The following HECW1 variants were observed in gnomAD, a reference collection of about 807,000 sequenced individuals.
The protein encoded by HECW1 is HECT, C2 and WW domain containing E3 ubiquitin protein ligase 1.
Under a neutral mutation model 182.3 loss-of-function variants are expected in HECW1, and 61 were observed. The ratio of observed to expected loss-of-function variants is 0.33; its 90% CI spans 0.27 to 0.41. HECW1 has a LOEUF of 0.41. HECW1 is among the 10% of genes least tolerant of loss of function. The pLI is 1.00. For synonymous variants in HECW1, 859 were observed against 832.6 expected (o/e 1.03, Z -0.55); for missense variants, 1,739 against 2,108.9 (o/e 0.82, Z 3.44).
In HECW1 at chr7:43,564,701, A is replaced by G. The variant is rs763690929; in HGVS notation, c.*2775A>G. On this transcript the variant is annotated 3_prime_UTR_variant, in exon 30 of 30. Coordinates refer to ENST00000395891, the MANE Select transcript of HECW1 (RefSeq NM_015052.5). ...CAAAGAGAAGAGGAACACAGAAACA[A>G]GTTATGGAAATTCATGTTTACCTTA... The G allele has an allele frequency of 1.2e-4, 22 of 180,560 alleles. No individual in the cohort carries two copies. The highest frequency in any genetic ancestry group is 4.4e-4 in the Admixed American group (7 of 15,914). The allele number at this position is 180,560 out of a possible 1,614,324, so 11.2% of individuals were successfully genotyped here.
At chr7:43,152,682 T>C (rs1408503917) in intron 2 of HECW1, among the ~76,000 whole-genome samples, 2 of 152,198 alleles carry the variant, frequency 1.3e-5, no homozygotes, top group Non-Finnish European at 2.9e-5. Context: ...GTTAGAAGCT[T>C]TCTTCAACTA....
At chr7:43,173,254 C>T (rs1791868156) in intron 2 of HECW1, among the ~76,000 whole-genome samples, 1 of 109,438 alleles carries the variant, frequency 9.1e-6, no homozygotes, top group South Asian at 3.8e-4. Context: ...TAAAGGGCCA[C>T]TTTGCATGGC....
At chr7:43,317,663 T>G (rs1284857349) in intron 4 of HECW1, among the ~76,000 whole-genome samples, 1 of 152,252 alleles carries the variant, frequency 6.6e-6, no homozygotes, top group Non-Finnish European at 1.5e-5. Context: ...GCAAGAATAC[T>G]GACTACTCTA....
intron 2 of HECW1, among the ~76,000 whole-genome samples, chr7:43,228,204 G>A (rs930670210): frequency 1.3e-5 from 2 of 152,122 alleles, no homozygotes; most frequent in African/African-American, 4.8e-5. Flanking sequence ...AAATCTTGTA[G>A]GCCAGGCACA....
At chr7:43,146,291 C>G (rs192081823) in intron 2 of HECW1, among the ~76,000 whole-genome samples, 1 of 152,216 alleles carries the variant, frequency 6.6e-6, no homozygotes, top group African/African-American at 2.4e-5. Context: ...TTGGCAGCAT[C>G]TCTGGCTTCT....
intron 5 of HECW1, among the ~76,000 whole-genome samples, chr7:43,338,278 G>A (rs1419395889): frequency 5.3e-5 from 8 of 152,070 alleles, no homozygotes; most frequent in Non-Finnish European, 1.5e-5. Context: ...CCAGGATAGG[G>A]GACTGCAGCG....
intron 3 of HECW1, among the ~76,000 whole-genome samples, chr7:43,271,041 A>G (rs961030468): frequency 1.3e-5 from 2 of 152,210 alleles, no homozygotes; most frequent in Non-Finnish European, 2.9e-5. Flanking sequence ...ACAAATTAAT[A>G]TACAGGTTTA....
intron 8 of HECW1, among the ~76,000 whole-genome samples, chr7:43,417,081 A>C (rs559953242): frequency 6.6e-6 from 1 of 151,800 alleles, no homozygotes; most frequent in South Asian, 2.1e-4. Context: ...GCGGAGTTTC[A>C]CTCTGGTCGC....
chr7:43,307,975 A>G (rs1397654326), intron 3 of HECW1, among the ~76,000 whole-genome samples: 1 of 130,222 alleles, frequency 7.7e-6, no homozygotes, highest in Non-Finnish European at 1.6e-5. Context: ...TATATCTTAT[A>G]TATTATAGAA....
chr7:43,482,417 G>T (rs2078471805), intron 17 of HECW1, among the ~76,000 whole-genome samples: 1 of 152,196 alleles, frequency 6.6e-6, no homozygotes, highest in African/African-American at 2.4e-5. Context: ...TGCATGGCTT[G>T]CTATGAGCAC....
rs34255651 is a variant in HECW1 at position 43,546,219 on chromosome 7, CTTTTTTT to C, written c.4249-4209_4249-4203del. ...TATCTTGAAACCCTTTACCCCCAAC[CTTTTTTT>C]TTTTTTTTTTTTTTTTGCCATATCC... On this transcript the variant is annotated intron_variant, in intron 26 of 29. Coordinates refer to ENST00000395891, the MANE Select transcript of HECW1 (RefSeq NM_015052.5). 1.1e-3 allele frequency among the ~76,000 whole-genome samples: 101 copies of C among 91,894 alleles called. No individual in the cohort carries two copies. In the Middle Eastern group the frequency reaches 0.042, roughly 38 times the overall value. The allele number at this position is 91,894 out of a possible 152,430, so 60.3% of individuals were successfully genotyped here. A position where few individuals can be genotyped will look rare whatever the true frequency, so the allele number is the denominator to read the frequency against.
intron 26 of HECW1, among the ~76,000 whole-genome samples, chr7:43,549,931 CT>C (rs1361473208): frequency 1.3e-5 from 2 of 152,118 alleles, no homozygotes; most frequent in Non-Finnish European, 2.9e-5. Context: ...CATTATGCCT[CT>C]TGAGTATAGG....
chr7:43,308,647 C>T (rs745886010), intron 3 of HECW1, among the ~76,000 whole-genome samples: 12 of 146,396 alleles, frequency 8.2e-5, no homozygotes, highest in Non-Finnish European at 1.2e-4. Context: ...TTTTTTGAGA[C>T]GGGGTCTCGC....
chr7:43,514,273 A>G (rs919562603), intron 24 of HECW1, among the ~76,000 whole-genome samples: 2 of 150,858 alleles, frequency 1.3e-5, no homozygotes, highest in Non-Finnish European at 3.0e-5. Flanking sequence ...TTGGAATACT[A>G]TTCCAAATTT....
intron 24 of HECW1, chr7:43,511,648 G>C (rs775342813): frequency 6.5e-6 from 1 of 153,400 alleles, no homozygotes; most frequent in Non-Finnish European, 1.5e-5. Context: ...TCAACAGGAA[G>C]CCCTGATCAG....
At chr7:43,425,300 TAGATGATAGATAGATAGATAGATA>T (rs1043306099) in intron 8 of HECW1, among the ~76,000 whole-genome samples, 1 of 121,952 alleles carries the variant, frequency 8.2e-6, no homozygotes, top group African/African-American at 3.5e-5. Flanking sequence ...GATAGATAGA[TAGATGATAGATAGATAGATAGATA>T]GATAGATAGA....
At chr7:43,554,868 C>T (rs2081967533) in intron 29 of HECW1, 78 bp downstream of exon 29, 2 of 1,326,236 alleles carry the variant, frequency 1.5e-6, no homozygotes, top group South Asian at 2.7e-5. Flanking sequence ...TTTGAGTGAC[C>T]ATCCTTTGGG....
chr7:43,242,438 T>A (rs1231776899), intron 2 of HECW1, among the ~76,000 whole-genome samples: 1 of 152,158 alleles, frequency 6.6e-6, no homozygotes, highest in Non-Finnish European at 1.5e-5. Flanking sequence ...GAAAGAAAGC[T>A]GTCCAAGTTC....
chr7:43,492,437 T>A (rs1393448869), intron 18 of HECW1, among the ~76,000 whole-genome samples: 1 of 152,208 alleles, frequency 6.6e-6, no homozygotes, highest in South Asian at 2.1e-4. Context: ...TCTCAGGTCC[T>A]TTCTTCCTTA....
Sources: gnomAD v4.1 joint callset for allele counts (sites outside exome capture counted in the v4.1 genomes callset) on GRCh38, gnomAD v4.1.1 for gene constraint, MANE v1.5 for transcripts, NCBI Gene and HGNC (gene_info 2026-07-23, HGNC 2026-07-21) for gene names.